Variants in SPOCK1 observed in about 807,000 individuals in gnomAD.
SPOCK1 encodes the protein testican-1.
In SPOCK1, 23 loss-of-function variants were observed where a neutral mutation model predicts 55.3. That is an observed-to-expected ratio of 0.42 (90% CI 0.30 to 0.59). The LOEUF is 0.59. Among genes scored for constraint, SPOCK1 ranks in the 20% least tolerant of loss-of-function variants. SPOCK1 has a pLI of 0.22. For missense variants in SPOCK1, 499 were observed against 552.5 expected, an observed-to-expected ratio of 0.90 and a Z score of 0.97; for synonymous variants, 226 against 221.0, an observed-to-expected ratio of 1.02 and a Z score of -0.20.
chr5:137,428,561 T>G (rs1336002373), intron 2 of SPOCK1, among the ~76,000 whole-genome samples: 1 of 152,200 alleles, frequency 6.6e-6, no homozygotes, highest in Non-Finnish European at 1.5e-5. Context: ...CCTGGAAAAT[T>G]TGTAGACTCT....
At chr5:137,036,799 C>T (rs1751894011) in intron 6 of SPOCK1, among the ~76,000 whole-genome samples, 1 of 152,216 alleles carries the variant, frequency 6.6e-6, no homozygotes, top group Non-Finnish European at 1.5e-5. Flanking sequence ...CCTTGGGAAC[C>T]TGCTTCATAA....
intron 6 of SPOCK1, among the ~76,000 whole-genome samples, chr5:137,025,144 C>A (rs1230341008): frequency 6.6e-6 from 1 of 152,114 alleles, no homozygotes; most frequent in Admixed American, 6.5e-5. Flanking sequence ...CATGAAGTTT[C>A]AATTAAGTTA....
chr5:137,421,850 C>G (rs977759558), intron 2 of SPOCK1, among the ~76,000 whole-genome samples: 2 of 152,158 alleles, frequency 1.3e-5, no homozygotes, highest in Admixed American at 1.3e-4. Context: ...ATGATGTTAG[C>G]TGGTTATTTT....
intron 3 of SPOCK1, among the ~76,000 whole-genome samples, chr5:137,172,151 T>A (rs1050923888): frequency 6.6e-6 from 1 of 152,154 alleles, no homozygotes; most frequent in Middle Eastern, 3.2e-3. Context: ...TTCTAAATCT[T>A]CCAGACAGAC....
intron 2 of SPOCK1, among the ~76,000 whole-genome samples, chr5:137,481,406 A>C (rs1380005969): frequency 6.6e-6 from 1 of 152,230 alleles, no homozygotes; most frequent in Non-Finnish European, 1.5e-5. Context: ...CAATTAAGAC[A>C]GTCTAGCATC....
At chr5:137,316,358 C>A (rs1161970434) in intron 2 of SPOCK1, among the ~76,000 whole-genome samples, 1 of 152,190 alleles carries the variant, frequency 6.6e-6, no homozygotes, top group African/African-American at 2.4e-5. Context: ...AGAAAAAATC[C>A]TTTTATGTTC....
intron 3 of SPOCK1, among the ~76,000 whole-genome samples, chr5:137,186,206 C>T (rs544986719): frequency 6.6e-6 from 1 of 152,318 alleles, no homozygotes; most frequent in South Asian, 2.1e-4. Flanking sequence ...TCACAGCCAA[C>T]CTTCTTGAAG....
intron 2 of SPOCK1, among the ~76,000 whole-genome samples, chr5:137,449,632 T>C (rs1444440463): frequency 6.6e-6 from 1 of 152,146 alleles, no homozygotes; most frequent in African/African-American, 2.4e-5. Flanking sequence ...CTCATACCTG[T>C]AATCCCTGTA....
intron 8 of SPOCK1, among the ~76,000 whole-genome samples, chr5:136,987,418 CTAACTCATAA>C (rs1750864246): frequency 6.6e-6 from 1 of 152,100 alleles, no homozygotes; most frequent in South Asian, 2.1e-4. Context: ...GATGTTCAAC[CTAACTCATAA>C]ATCAAGAAGC....
intron 3 of SPOCK1, among the ~76,000 whole-genome samples, chr5:137,179,961 C>T (rs757804968): frequency 6.6e-6 from 1 of 152,166 alleles, no homozygotes; most frequent in Non-Finnish European, 1.5e-5. Flanking sequence ...GGCAACAGAG[C>T]GCCACAGGAG....
At chr5:137,256,490 G>T (rs991625281) in intron 3 of SPOCK1, among the ~76,000 whole-genome samples, 3 of 152,186 alleles carry the variant, frequency 2.0e-5, no homozygotes, top group African/African-American at 7.2e-5. Context: ...TGGTGACAGA[G>T]GGCAAGAGGT....
At position 137,022,007 on chromosome 5, in the gene SPOCK1, G is replaced by T. The variant is rs576831282; in HGVS notation, c.590-29407C>A. Among the ~76,000 whole-genome samples, 4 of 152,168 alleles carry T rather than the reference G, an allele frequency of 2.6e-5. No homozygotes were observed. In the South Asian group the frequency reaches 8.3e-4, roughly 32 times the overall value. On this transcript the variant is annotated intron_variant, in intron 6 of 10. Coordinates refer to ENST00000394945, the MANE Select transcript of SPOCK1 (RefSeq NM_004598.4). ...CAAAATATGCTCTTCTTTATAATGCGACCTTGGCACACTTGCTTAGAGAGA... is the reference window on the plus strand; with the variant it reads ...CAAAATATGCTCTTCTTTATAATGCTACCTTGGCACACTTGCTTAGAGAGA...
chr5:137,344,191 G>T (rs1561510291), intron 2 of SPOCK1, among the ~76,000 whole-genome samples: 1 of 152,230 alleles, frequency 6.6e-6, no homozygotes, highest in Non-Finnish European at 1.5e-5. Context: ...TGCACCAGGA[G>T]TCTGAGCCAA....
intron 3 of SPOCK1, among the ~76,000 whole-genome samples, chr5:137,163,573 A>G (rs1414226529): frequency 2.6e-5 from 4 of 152,228 alleles, no homozygotes; most frequent in African/African-American, 9.6e-5. Context: ...CTATCTTACC[A>G]TCTCACTAAA....
intron 3 of SPOCK1, among the ~76,000 whole-genome samples, chr5:137,249,896 CT>C (rs2127105396): frequency 6.6e-6 from 1 of 152,110 alleles, no homozygotes; most frequent in East Asian, 1.9e-4. Flanking sequence ...ATCAGCTACT[CT>C]TCTTATTATG....
At chr5:137,309,105 T>A (rs1284641635) in intron 2 of SPOCK1, among the ~76,000 whole-genome samples, 1 of 152,050 alleles carries the variant, frequency 6.6e-6, no homozygotes, top group Non-Finnish European at 1.5e-5. Flanking sequence ...CAAAAAAAAA[T>A]TTCCCATTGC....
intron 3 of SPOCK1, among the ~76,000 whole-genome samples, chr5:137,167,000 C>T (rs554888032): frequency 2.0e-5 from 3 of 152,082 alleles, no homozygotes; most frequent in African/African-American, 7.2e-5. Flanking sequence ...GTGGACTAAA[C>T]TCTCCAATGA....
At chr5:137,185,224 C>T (rs748033672) in intron 3 of SPOCK1, among the ~76,000 whole-genome samples, 2 of 152,154 alleles carry the variant, frequency 1.3e-5, no homozygotes, top group South Asian at 4.1e-4. Flanking sequence ...TCCTGGGTGG[C>T]CAGAGACTTT....
At chr5:137,118,356 C>G (rs772137697) in intron 4 of SPOCK1, among the ~76,000 whole-genome samples, 1 of 152,230 alleles carries the variant, frequency 6.6e-6, no homozygotes, top group Admixed American at 6.5e-5. Flanking sequence ...CATAACCCCT[C>G]TCTTCAAGGT....
Sources: allele counts gnomAD v4.1 joint callset (sites outside exome capture counted in the v4.1 genomes callset), GRCh38; gene constraint gnomAD v4.1.1; transcripts MANE v1.5; gene names NCBI Gene and HGNC (gene_info 2026-07-23, HGNC 2026-07-21).